DEFB107B: variants seen among roughly 807,000 people sequenced by gnomAD.
DEFB107B encodes defensin beta 107B, also known as beta-defensin 107.
In DEFB107B at chr8:7,498,901, C is replaced by T. The variant is rs1447666626; in HGVS notation, c.70+2898C>T. ...GTCATCATGGCCCGTTCTCGATGGTCGCTGTCTCTTCGGAGCTGTTGAGTA... is the reference window on the plus strand; with the variant it reads ...GTCATCATGGCCCGTTCTCGATGGTTGCTGTCTCTTCGGAGCTGTTGAGTA... On this transcript the variant is annotated intron_variant, in intron 1 of 1. Transcript: ENST00000355602. Among the ~76,000 whole-genome samples, 2 of 21,574 alleles carry T rather than the reference C, an allele frequency of 9.3e-5. 1 individual carries two copies. Among genetic ancestry groups the T allele is most frequent in the African/African-American group, 1.6e-4 (2 of 12,240 alleles). 14.2% of individuals were successfully genotyped at this position (21,574 alleles called of 152,430 possible). A position where few individuals can be genotyped will look rare whatever the true frequency, so the allele number is the denominator to read the frequency against.
At chr8:7,497,305 C>T (rs1206608858) in intron 1 of DEFB107B, among the ~76,000 whole-genome samples, 4 of 152,260 alleles carry the variant, frequency 2.6e-5, no homozygotes, top group East Asian at 3.8e-4. Flanking sequence ...GCTTTCAATA[C>T]ATTTAACATG....
At chr8:7,507,795 T>C (rs1477669436) in intron 1 of DEFB107B, among the ~76,000 whole-genome samples, 2 of 141,740 alleles carry the variant, frequency 1.4e-5, no homozygotes, top group Non-Finnish European at 3.0e-5. Context: ...TTTTTCCAAA[T>C]TTGTTCATGT....
chr8:7,496,339 G>T (rs1169863486), intron 1 of DEFB107B, among the ~76,000 whole-genome samples: 5 of 51,286 alleles, frequency 9.7e-5, no homozygotes, highest in South Asian at 8.0e-4. Flanking sequence ...TCGCGCTGTC[G>T]CCCAGGCTGG....
At position 7,497,441 on chromosome 8, in the gene DEFB107B, C is replaced by G. The variant is rs1376279667; in HGVS notation, c.70+1438C>G. On this transcript the variant is annotated intron_variant, in intron 1 of 1. Coordinates refer to ENST00000355602, the MANE Select transcript of DEFB107B (RefSeq NM_001040705.2). Reference sequence around the variant, plus strand: ...CATAGATGTGGAAACTTGGTTCTAACTAGGAAATGCAGAAAGGCTTCCTGG... The same window carrying G: ...CATAGATGTGGAAACTTGGTTCTAAGTAGGAAATGCAGAAAGGCTTCCTGG... Among the ~76,000 whole-genome samples the G allele has an allele frequency of 4.6e-5, 7 of 151,650 alleles. No homozygotes were observed. The East Asian group carries it at 1.4e-3, about 30-fold the overall frequency.
intron 1 of DEFB107B, among the ~76,000 whole-genome samples, chr8:7,496,477 T>A (rs1196650168): frequency 1.3e-5 from 2 of 152,018 alleles, no homozygotes; most frequent in East Asian, 1.9e-4. Context: ...TTTTTTTGTA[T>A]TTTTAGTAGA....
At position 7,506,404 on chromosome 8, in the gene DEFB107B, C is replaced by A. The variant is rs1277044120; in HGVS notation, c.71-2677C>A. Among the ~76,000 whole-genome samples, 2 of 15,772 alleles carry A rather than the reference C, an allele frequency of 1.3e-4. 1 individual carries two copies. The highest frequency in any genetic ancestry group is 3.8e-4 in the Non-Finnish European group (2 of 5,306). 10.3% of individuals were successfully genotyped at this position (15,772 alleles called of 152,430 possible). On this transcript the variant is annotated intron_variant, in intron 1 of 1. Coordinates refer to ENST00000355602, the MANE Select transcript of DEFB107B (RefSeq NM_001040705.2). Reference sequence around the variant, plus strand: ...GTAGGGGTGGGTTGCCCCTACACACCTGTGGGTGTTTCTTGTAAGGTGGGA... The same window carrying A: ...GTAGGGGTGGGTTGCCCCTACACACATGTGGGTGTTTCTTGTAAGGTGGGA...
At chr8:7,496,801 A>T (rs1249676074) in intron 1 of DEFB107B, among the ~76,000 whole-genome samples, 14 of 116,814 alleles carry the variant, frequency 1.2e-4, no homozygotes, top group Non-Finnish European at 2.4e-4. Context: ...TCTCTTATCC[A>T]TACATTATTT....
chr8:7,499,823 TA>T (rs1811838612), intron 1 of DEFB107B, among the ~76,000 whole-genome samples: 1 of 28,088 alleles, frequency 3.6e-5, no homozygotes, highest in African/African-American at 8.5e-5. Context: ...CTCTTGTTTC[TA>T]AAGTTTGATT....
Position 7,506,947 on chromosome 8 carries a change from C to T in DEFB107B, c.71-2134C>T, listed in dbSNP as rs1239481919. 1.3e-4 allele frequency among the ~76,000 whole-genome samples: 2 copies of T among 15,386 alleles called. 1 individual carries two copies. The highest frequency in any genetic ancestry group is 3.2e-4 in the African/African-American group (2 of 6,166). The allele number at this position is 15,386 out of a possible 152,430, so 10.1% of individuals were successfully genotyped here. On this transcript the variant is annotated intron_variant, in intron 1 of 1. Transcript: ENST00000355602. ...CCTTTACGGGTATCGGGCTGGGGGA[C>T]GGTCATGTCTTTCCCTTCCCACGAG...
rs1811757693 is a variant in DEFB107B, at chr8:7,496,637, A to G, written c.70+634A>G. ...AGTGATTTCTTTAAAATGAAAAAAA[A>G]AAAAAAAAAAGAAAGAAAAGATTAT... On this transcript the variant is annotated intron_variant, in intron 1 of 1. Coordinates refer to ENST00000355602, the MANE Select transcript of DEFB107B (RefSeq NM_001040705.2). Among the ~76,000 whole-genome samples the G allele has an allele frequency of 3.1e-5, 4 of 127,394 alleles. No individual in the cohort carries two copies. In the South Asian group the frequency reaches 1.0e-3, roughly 32 times the overall value. 83.6% of individuals were successfully genotyped at this position (127,394 alleles called of 152,430 possible).
In DEFB107B at chr8:7,507,801, C is replaced by A. The variant is rs533629536; in HGVS notation, c.71-1280C>A. Among the ~76,000 whole-genome samples, 204 of 142,122 alleles carry A rather than the reference C, an allele frequency of 1.4e-3. 2 individuals carry two copies. Among genetic ancestry groups the A allele is most frequent in the Non-Finnish European group, 2.5e-3 (163 of 66,504 alleles). The allele number at this position is 142,122 out of a possible 152,430, so 93.2% of individuals were successfully genotyped here. A position where few individuals can be genotyped will look rare whatever the true frequency, so the allele number is the denominator to read the frequency against. On this transcript the variant is annotated intron_variant, in intron 1 of 1. Coordinates refer to ENST00000355602, the MANE Select transcript of DEFB107B (RefSeq NM_001040705.2). ...CCTTTTTCATTTTTCCAAATTTGTT[C>A]ATGTGGACATATAGAAATAGGAAGC...
In DEFB107B at chr8:7,496,000, C is replaced by A. The variant is rs1811715088; in HGVS notation, c.67C>A (p.Gln23Lys). 1 of 119,718 alleles carries A rather than the reference C, an allele frequency of 8.4e-6. No homozygotes were observed. The highest frequency in any genetic ancestry group is 1.5e-5 in the Non-Finnish European group (1 of 66,908). The allele number at this position is 119,718 out of a possible 1,614,324, so 7.4% of individuals were successfully genotyped here. A position where few individuals can be genotyped will look rare whatever the true frequency, so the allele number is the denominator to read the frequency against. The change falls in exon 1 of 2, where the codon CAA (glutamine) becomes AAA (lysine). Residue 23 changes from glutamine to lysine, a missense_variant. Physicochemically the swap from Gln to Lys is moderately conservative, Grantham distance 53. Transcript: ENST00000355602. ...AALILLAQIF[Q>K]ARTAIHRALI... ...TCTCATTCTTCTTGCTCAAATTTTC[C>A]AAGGTAAGAGGGAAATTCTTCTAGA...
chr8:7,496,538 G>A (rs1260660617), intron 1 of DEFB107B, among the ~76,000 whole-genome samples: 1 of 151,454 alleles, frequency 6.6e-6, no homozygotes, highest in South Asian at 2.1e-4. Flanking sequence ...CTGACTTCGT[G>A]ATCCGCCCTC....
At chr8:7,496,535 C>T (rs1389985483) in intron 1 of DEFB107B, among the ~76,000 whole-genome samples, 5 of 151,608 alleles carry the variant, frequency 3.3e-5, no homozygotes, top group African/African-American at 4.8e-5. Context: ...GTCCTGACTT[C>T]GTGATCCGCC....
intron 1 of DEFB107B, among the ~76,000 whole-genome samples, chr8:7,496,585 C>G (rs1280106345): frequency 6.8e-6 from 1 of 148,066 alleles, no homozygotes; most frequent in East Asian, 2.0e-4. Context: ...CAGGCATGAG[C>G]CACCGCGCCT....
intron 1 of DEFB107B, among the ~76,000 whole-genome samples, chr8:7,497,399 A>T (rs1337878576): frequency 2.6e-5 from 4 of 152,172 alleles, no homozygotes; most frequent in Admixed American, 2.6e-4. Flanking sequence ...TAAAAGATGC[A>T]AATTATAAAG....
intron 1 of DEFB107B, among the ~76,000 whole-genome samples, chr8:7,508,079 A>ATGTG (rs200848932): frequency 5.5e-3 from 152 of 27,854 alleles, no homozygotes; most frequent in Middle Eastern, 0.02. Context: ...ATATATATAT[A>ATGTG]TATATGTGTG....
chr8:7,508,282 A>G (rs1442359233), intron 1 of DEFB107B, among the ~76,000 whole-genome samples: 2 of 139,562 alleles, frequency 1.4e-5, no homozygotes, highest in South Asian at 2.2e-4. Context: ...CTAACAAAAT[A>G]TATTCCACAT....
rs1418161068 is a variant in DEFB107B at position 7,498,912 on chromosome 8, C to T, written c.70+2909C>T. On this transcript the variant is annotated intron_variant, in intron 1 of 1. Coordinates refer to ENST00000355602, the MANE Select transcript of DEFB107B (RefSeq NM_001040705.2). ...CCGTTCTCGATGGTCGCTGTCTCTT[C>T]GGAGCTGTTGAGTACACCTGCAGAC... is the stretch of plus-strand genomic sequence containing the variant. 5.6e-4 allele frequency among the ~76,000 whole-genome samples: 11 copies of T among 19,478 alleles called. 3 individuals carry two copies. The highest frequency in any genetic ancestry group is 9.1e-4 in the African/African-American group (10 of 11,012). 12.8% of individuals were successfully genotyped at this position (19,478 alleles called of 152,430 possible). A position where few individuals can be genotyped will look rare whatever the true frequency, so the allele number is the denominator to read the frequency against.
Sources: gnomAD v4.1 joint callset for allele counts (sites outside exome capture counted in the v4.1 genomes callset) on GRCh38, gnomAD v4.1.1 for gene constraint, MANE v1.5 for transcripts, NCBI Gene and HGNC (gene_info 2026-07-23, HGNC 2026-07-21) for gene names.